Variants in CYP7B1 observed in about 807,000 individuals in gnomAD.
CYP7B1 encodes cytochrome P450 7B1.
In CYP7B1, 29 loss-of-function variants were observed where a neutral mutation model predicts 42.7. The ratio of observed to expected loss-of-function variants is 0.68; its 90% CI spans 0.51 to 0.93. The LOEUF is 0.93. Among genes scored for constraint, CYP7B1 ranks in the 40% least tolerant of loss-of-function variants. The pLI, the probability that CYP7B1 is intolerant of heterozygous loss-of-function variation, is 0.00. For synonymous variants in CYP7B1, 235 were observed against 218.2 expected (o/e 1.08, Z -0.68); for missense variants, 655 against 600.5 (o/e 1.09, Z -0.95).
chr8:64,661,643 C>G (rs1776224486), intron 1 of CYP7B1, among the ~76,000 whole-genome samples: 2 of 152,084 alleles, frequency 1.3e-5, no homozygotes. Flanking sequence ...AGATCTGATA[C>G]AGATTGGAAG....
At chr8:64,722,998 G>A (rs539021138) in intron 1 of CYP7B1, among the ~76,000 whole-genome samples, 1 of 152,060 alleles carries the variant, frequency 6.6e-6, no homozygotes, top group Non-Finnish European at 1.5e-5. Flanking sequence ...TAAGTGAATC[G>A]TAGCTGGCTT....
At chr8:64,794,771 T>C (rs1804679147) in intron 1 of CYP7B1, among the ~76,000 whole-genome samples, 1 of 152,168 alleles carries the variant, frequency 6.6e-6, no homozygotes, top group African/African-American at 2.4e-5. Context: ...AGAGAATCTG[T>C]AAATATCTCA....
At chr8:64,698,123 C>T (rs1307637510) in intron 1 of CYP7B1, among the ~76,000 whole-genome samples, 1 of 152,042 alleles carries the variant, frequency 6.6e-6, no homozygotes, top group African/African-American at 2.4e-5. Context: ...TTTTAAAGTC[C>T]TAACACATGA....
At chr8:64,706,157 G>C (rs942759980) in intron 1 of CYP7B1, among the ~76,000 whole-genome samples, 2 of 151,904 alleles carry the variant, frequency 1.3e-5, no homozygotes, top group Non-Finnish European at 2.9e-5. Flanking sequence ...ATTTCTCTCT[G>C]AAAACATAGT....
intron 1 of CYP7B1, among the ~76,000 whole-genome samples, chr8:64,723,006 C>CT (rs947607969): frequency 2.0e-4 from 30 of 151,968 alleles, no homozygotes; most frequent in Non-Finnish European, 3.4e-4. Flanking sequence ...TCGTAGCTGG[C>CT]TTTTTTTTCT....
chr8:64,632,979 A>G (rs2129630767), intron 1 of CYP7B1, among the ~76,000 whole-genome samples: 1 of 152,278 alleles, frequency 6.6e-6, no homozygotes, highest in South Asian at 2.1e-4. Flanking sequence ...TAGTTTTACA[A>G]AAGGGACTAG....
chr8:64,736,693 C>A (rs1807493414), intron 1 of CYP7B1, among the ~76,000 whole-genome samples: 1 of 152,130 alleles, frequency 6.6e-6, no homozygotes, highest in South Asian at 2.1e-4. Context: ...TCGTGATCCT[C>A]CCGCCTCAGC....
In CYP7B1 at chr8:64,676,526, A is replaced by T. The variant is rs187219230; in HGVS notation, c.123-51987T>A. ...TAGGGTTGAAGTGAAATTTTGTCCT[A>T]TTAATTATACAGGACAGTGACATTG... On this transcript the variant is annotated intron_variant, in intron 1 of 5. Transcript: ENST00000310193. 1.7e-3 allele frequency among the ~76,000 whole-genome samples: 264 copies of T among 152,234 alleles called. 1 individual carries two copies. The highest frequency in any genetic ancestry group is 3.1e-3 in the Non-Finnish European group (209 of 67,988).
intron 1 of CYP7B1, among the ~76,000 whole-genome samples, chr8:64,707,234 T>A (rs976612226): frequency 6.6e-6 from 1 of 152,032 alleles, no homozygotes; most frequent in African/African-American, 2.4e-5. Flanking sequence ...AAATGAATAT[T>A]GGAGACAATG....
At chr8:64,761,327 A>T (rs1433843142) in intron 1 of CYP7B1, among the ~76,000 whole-genome samples, 1 of 152,112 alleles carries the variant, frequency 6.6e-6, no homozygotes, top group Non-Finnish European at 1.5e-5. Context: ...AAATGACTAG[A>T]TCTTAAATGC....
intron 1 of CYP7B1, among the ~76,000 whole-genome samples, chr8:64,661,254 G>T (rs1806195623): frequency 6.6e-6 from 1 of 152,128 alleles, no homozygotes; most frequent in Admixed American, 6.6e-5. Flanking sequence ...GAACTTGAGG[G>T]ATTAGAACAA....
intron 1 of CYP7B1, among the ~76,000 whole-genome samples, chr8:64,757,411 T>C (rs1205672656): frequency 6.6e-6 from 1 of 152,216 alleles, no homozygotes; most frequent in African/African-American, 2.4e-5. Flanking sequence ...ACATTGATAT[T>C]ATATGCCCAA....
At chr8:64,622,394 T>C (rs892946729) in intron 2 of CYP7B1, among the ~76,000 whole-genome samples, 6 of 152,186 alleles carry the variant, frequency 3.9e-5, no homozygotes, top group African/African-American at 1.4e-4. Context: ...GTAGATGATT[T>C]AGATAAAGAA....
intron 4 of CYP7B1, among the ~76,000 whole-genome samples, chr8:64,605,242 C>A (rs756526709): frequency 2.0e-5 from 3 of 152,214 alleles, no homozygotes; most frequent in Non-Finnish European, 4.4e-5. Context: ...CTTTAGAACT[C>A]TGATGCTTTA....
chr8:64,668,037 T>C (rs1423331870), intron 1 of CYP7B1, among the ~76,000 whole-genome samples: 1 of 152,194 alleles, frequency 6.6e-6, no homozygotes, highest in Non-Finnish European at 1.5e-5. Context: ...AGCGTAGGAA[T>C]AGTTTCAGAG....
chr8:64,747,217 A>G (rs1807656801), intron 1 of CYP7B1, among the ~76,000 whole-genome samples: 1 of 143,880 alleles, frequency 7.0e-6, no homozygotes, highest in African/African-American at 2.7e-5. Context: ...TATTAAATAT[A>G]GTATTTATAT....
rs538662006 is a variant in CYP7B1 at position 64,625,297 on chromosome 8, C to G, written c.123-758G>C. 3.3e-5 allele frequency among the ~76,000 whole-genome samples: 5 copies of G among 152,214 alleles called. No individual in the cohort carries two copies. In the East Asian group the frequency reaches 9.7e-4, roughly 29 times the overall value. ...CTATTATATCATTCGTACGCCTTTG[C>G]ATCCTGGTGAGCAATTTTTTGAAGG... On this transcript the variant is annotated intron_variant, in intron 1 of 5. Transcript: ENST00000310193.
At chr8:64,636,719 T>G (rs1019509863) in intron 1 of CYP7B1, among the ~76,000 whole-genome samples, 2 of 152,246 alleles carry the variant, frequency 1.3e-5, no homozygotes, top group African/African-American at 4.8e-5. Flanking sequence ...GGCTTTGTAT[T>G]CTCTAAGCAA....
intron 1 of CYP7B1, among the ~76,000 whole-genome samples, chr8:64,706,099 TA>T (rs1806995007): frequency 6.6e-6 from 1 of 152,010 alleles, no homozygotes; most frequent in African/African-American, 2.4e-5. Context: ...AAAACAGCAT[TA>T]AGAGCCCCTC....
Sources: gnomAD v4.1 joint callset for allele counts (sites outside exome capture counted in the v4.1 genomes callset) on GRCh38, gnomAD v4.1.1 for gene constraint, MANE v1.5 for transcripts, NCBI Gene and HGNC (gene_info 2026-07-23, HGNC 2026-07-21) for gene names.